TRDN: variants seen among roughly 807,000 people sequenced by gnomAD.
TRDN encodes triadin in skeletal muscle.
A neutral mutation model predicts 149.7 loss-of-function variants in TRDN; 161 were observed. The ratio of observed to expected loss-of-function variants is 1.08; its 90% CI spans 0.95 to 1.23. TRDN has a LOEUF of 1.23. Among genes scored for constraint, TRDN ranks in the 50% most tolerant of loss-of-function variants. The pLI is 0.00. For missense variants in TRDN, 896 were observed against 823.5 expected (o/e 1.09, Z -1.08); for synonymous variants, 294 against 250.5 (o/e 1.17, Z -1.64).
At chr6:123,349,513 C>G (rs1206754267) in intron 21 of TRDN, 1 of 898,640 alleles carries the variant, frequency 1.1e-6, no homozygotes, top group East Asian at 1.2e-4. Context: ...TGAGGGTCAA[C>G]AGCATGACTT....
At chr6:123,305,291 A>T (rs893775841) in intron 24 of TRDN, among the ~76,000 whole-genome samples, 11 of 152,164 alleles carry the variant, frequency 7.2e-5, no homozygotes, top group Non-Finnish European at 1.3e-4. Flanking sequence ...AGAGTTTTTT[A>T]AATCTAGGGT....
chr6:123,585,792 C>G (rs1182125744), intron 1 of TRDN, among the ~76,000 whole-genome samples: 2 of 151,872 alleles, frequency 1.3e-5, no homozygotes, highest in African/African-American at 2.4e-5. Flanking sequence ...AACGCCTGCC[C>G]GCTGTGGTTC....
In TRDN at chr6:123,570,811, T is replaced by A. The variant is rs960811369; in HGVS notation, c.232+112A>T. ...GTGATCCTCAAGCACATTTGTGGGG[T>A]GTTTCTTCCTCACACTAAGATGAAA... is the stretch of plus-strand genomic sequence containing the variant. On this transcript the variant is annotated intron_variant, in intron 2 of 40. Transcript: ENST00000334268. 24 of 865,710 alleles carry A rather than the reference T, an allele frequency of 2.8e-5. No homozygotes were observed. The Admixed American group carries it at 5.8e-4, about 21-fold the overall frequency. 53.6% of individuals were successfully genotyped at this position (865,710 alleles called of 1,614,324 possible). A position where few individuals can be genotyped will look rare whatever the true frequency, so the allele number is the denominator to read the frequency against.
At chr6:123,285,178 C>A (rs1226008509) in intron 24 of TRDN, among the ~76,000 whole-genome samples, 1 of 151,440 alleles carries the variant, frequency 6.6e-6, no homozygotes, top group Non-Finnish European at 1.5e-5. Context: ...CTTCACAGAA[C>A]TAGAAAAAAA....
Position 123,315,411 on chromosome 6 carries a change from C to T in TRDN, c.1510+1046G>A, listed in dbSNP as rs571005767. On this transcript the variant is annotated intron_variant, in intron 24 of 40. Transcript: ENST00000334268. ...TATAAAATTACTTTAAATGGGCATG[C>T]TTATTCACTAAAAATAAGAAAATAA... Among the ~76,000 whole-genome samples the T allele has an allele frequency of 4.6e-5, 7 of 151,790 alleles. No homozygotes were observed. In the East Asian group the frequency reaches 9.7e-4, roughly 21 times the overall value.
At chr6:123,458,514 A>T (rs1583066800) in intron 10 of TRDN, among the ~76,000 whole-genome samples, 2 of 152,312 alleles carry the variant, frequency 1.3e-5, no homozygotes, top group Middle Eastern at 6.8e-3. Flanking sequence ...ACTGCAAAAC[A>T]AACTATTCCC....
chr6:123,436,926 A>C (rs1774597000), intron 12 of TRDN, among the ~76,000 whole-genome samples: 2 of 152,170 alleles, frequency 1.3e-5, no homozygotes, highest in Non-Finnish European at 2.9e-5. Flanking sequence ...GAATGGTTCT[A>C]ATGGTAGAAT....
chr6:123,539,877 T>G (rs185159398), intron 4 of TRDN, among the ~76,000 whole-genome samples: 2 of 152,210 alleles, frequency 1.3e-5, no homozygotes, highest in African/African-American at 4.8e-5. Flanking sequence ...TGGGTTGCAA[T>G]GGCTCTCACT....
intron 1 of TRDN, among the ~76,000 whole-genome samples, chr6:123,609,064 T>G (rs1236108138): frequency 6.6e-6 from 1 of 151,920 alleles, no homozygotes; most frequent in South Asian, 2.1e-4. Context: ...TCCCAGCTAC[T>G]TGAGAGTCTG....
intron 8 of TRDN, among the ~76,000 whole-genome samples, chr6:123,500,272 C>T (rs892986058): frequency 3.9e-5 from 6 of 152,138 alleles, no homozygotes; most frequent in East Asian, 1.9e-4. Context: ...TTATTCCTAT[C>T]AAAGCTGATA....
chr6:123,481,378 T>A (rs1423628632), intron 9 of TRDN, among the ~76,000 whole-genome samples: 1 of 150,598 alleles, frequency 6.6e-6, no homozygotes, highest in Admixed American at 6.6e-5. Flanking sequence ...TATATATTTG[T>A]CTTAAATTAT....
chr6:123,316,764 C>T lies in TRDN; in HGVS notation c.1472-269G>A, dbSNP rs6903274. On this transcript the variant is annotated intron_variant, in intron 23 of 40. Transcript: ENST00000334268. ...CTAATCAAGTAATTTGGCTTCTTGT[C>T]TTTAATAAAAGCCAGGACTTATAAT... 0.52 allele frequency among the ~76,000 whole-genome samples: 79,222 copies of T among 151,516 alleles called. 21,948 individuals are homozygous for T. Among genetic ancestry groups the T allele is most frequent in the Non-Finnish European group, 0.63 (42,610 of 67,694 alleles).
intron 10 of TRDN, among the ~76,000 whole-genome samples, chr6:123,443,137 T>C (rs1026209242): frequency 1.3e-5 from 2 of 151,902 alleles, no homozygotes; most frequent in African/African-American, 4.8e-5. Context: ...GCATGTTGTC[T>C]GGTTTTGATA....
chr6:123,410,629 G>T (rs1344662419), intron 12 of TRDN, among the ~76,000 whole-genome samples: 1 of 152,070 alleles, frequency 6.6e-6, no homozygotes, highest in Non-Finnish European at 1.5e-5. Context: ...AATACATGTG[G>T]TATTAATTAA....
intron 12 of TRDN, among the ~76,000 whole-genome samples, chr6:123,418,773 T>A (rs1458465859): frequency 6.6e-6 from 1 of 152,104 alleles, no homozygotes; most frequent in Non-Finnish European, 1.5e-5. Context: ...GTGCATCCAG[T>A]GGCAGGGTTA....
chr6:123,517,835 C>A (rs1257782032), intron 5 of TRDN, among the ~76,000 whole-genome samples: 1 of 152,030 alleles, frequency 6.6e-6, no homozygotes, highest in Non-Finnish European at 1.5e-5. Context: ...TTCCATTCAC[C>A]AATTGCACCA....
chr6:123,625,686 G>A (rs1785627467), intron 1 of TRDN, among the ~76,000 whole-genome samples: 1 of 152,138 alleles, frequency 6.6e-6, no homozygotes, highest in South Asian at 2.1e-4. Context: ...CTCATTGTAT[G>A]CCTGTATAAA....
intron 9 of TRDN, among the ~76,000 whole-genome samples, chr6:123,496,222 T>C (rs1778441280): frequency 1.3e-5 from 2 of 150,698 alleles, no homozygotes; most frequent in South Asian, 4.1e-4. Flanking sequence ...AGGAAATTAT[T>C]TAACTAGAAT....
intron 21 of TRDN, among the ~76,000 whole-genome samples, chr6:123,340,430 G>T (rs1384813680): frequency 6.6e-6 from 1 of 151,976 alleles, no homozygotes; most frequent in Non-Finnish European, 1.5e-5. Flanking sequence ...CAAATATTTT[G>T]TTGGAGCTTT....
Sources: allele counts gnomAD v4.1 joint callset (sites outside exome capture counted in the v4.1 genomes callset), GRCh38; gene constraint gnomAD v4.1.1; transcripts MANE v1.5; gene names NCBI Gene and HGNC (gene_info 2026-07-23, HGNC 2026-07-21).